Variants in TUSC3 observed in about 807,000 individuals in gnomAD.
The protein encoded by TUSC3 is dolichyl-diphosphooligosaccharide--protein glycosyltransferase subunit TUSC3.
In TUSC3, 45 loss-of-function variants were observed where a neutral mutation model predicts 44.8. That is an observed-to-expected ratio of 1.00 (90% CI 0.79 to 1.29). The LOEUF (loss-of-function observed/expected upper bound fraction) is 1.29, where lower values mean the gene tolerates loss of function less well. Among genes scored for constraint, TUSC3 ranks in the 50% most tolerant of loss-of-function variants. TUSC3 has a pLI of 0.00. For synonymous variants in TUSC3, 212 were observed against 152.9 expected (o/e 1.39, Z -2.85); for missense variants, 519 against 437.9 (o/e 1.19, Z -1.65).
chr8:15,799,077 C>G, the TUSC3 span, among the ~76,000 whole-genome samples: 1,747 of 152,254 alleles, frequency 0.011, 15 homozygotes, highest in Non-Finnish European at 0.019. Context: ...GGCTAATGCT[C>G]CCTTATAGCA....
intron 6 of TUSC3, among the ~76,000 whole-genome samples, chr8:15,685,560 C>G (rs1050078408): frequency 6.6e-6 from 1 of 152,118 alleles, no homozygotes; most frequent in African/African-American, 2.4e-5. Flanking sequence ...GCTCTGTCAA[C>G]AGGGCCTGTG....
At chr8:15,776,629 C>A in the TUSC3 span, among the ~76,000 whole-genome samples, 41 of 152,262 alleles carry the variant, frequency 2.7e-4, no homozygotes, top group African/African-American at 8.7e-4. Context: ...ATCCTCGAAT[C>A]AATTTTTACA....
intron 8 of TUSC3, among the ~76,000 whole-genome samples, chr8:15,744,238 C>T (rs995868603): frequency 1.3e-5 from 2 of 152,064 alleles, no homozygotes; most frequent in Non-Finnish European, 2.9e-5. Context: ...TTGATGGGAC[C>T]ATTTCTCTCA....
At chr8:15,731,971 A>T (rs1362550098) in intron 7 of TUSC3, among the ~76,000 whole-genome samples, 1 of 152,156 alleles carries the variant, frequency 6.6e-6, no homozygotes, top group Non-Finnish European at 1.5e-5. Context: ...AAGCACTTGG[A>T]ATTCTCAAGA....
chr8:15,759,407 T>A (rs1283994804), intron 10 of TUSC3, among the ~76,000 whole-genome samples: 1 of 151,976 alleles, frequency 6.6e-6, no homozygotes, highest in Non-Finnish European at 1.5e-5. Flanking sequence ...TTGGACAGAA[T>A]ACATTTGTTC....
At chr8:15,807,078 T>A in the TUSC3 span, 3 of 1,388,936 alleles carry the variant, frequency 2.2e-6, no homozygotes, top group Non-Finnish European at 3.1e-6. Flanking sequence ...ACAGCAGTAT[T>A]TGGCAACCTG....
chr8:15,521,636 C>T (rs975766235), intron 2 of TUSC3, among the ~76,000 whole-genome samples: 2 of 152,078 alleles, frequency 1.3e-5, no homozygotes, highest in Non-Finnish European at 2.9e-5. Flanking sequence ...AAGGTACGTG[C>T]ATAAACTTTA....
At chr8:15,431,752 G>A (rs1215982624) in intron 1 of TUSC3, among the ~76,000 whole-genome samples, 1 of 141,942 alleles carries the variant, frequency 7.0e-6, no homozygotes, top group African/African-American at 2.5e-5. Context: ...TAATATTACA[G>A]GAAATGATTT....
chr8:15,600,504 A>G lies in TUSC3; in HGVS notation c.139-22576A>G, dbSNP rs552437655. 3.9e-4 allele frequency among the ~76,000 whole-genome samples: 59 copies of G among 151,772 alleles called. 1 individual carries two copies. The highest frequency in any genetic ancestry group is 3.4e-3 in the Middle Eastern group (1 of 294). ...TTCTCTTCCTTGGTACATTTTTATC[A>G]TTATTGTGACCGTTAAATTTGTTAG... On this transcript the variant is annotated intron_variant, in intron 1 of 10. Transcript: ENST00000503731.
chr8:15,667,325 A>T (rs971084926), intron 5 of TUSC3, among the ~76,000 whole-genome samples: 1 of 151,690 alleles, frequency 6.6e-6, no homozygotes, highest in Non-Finnish European at 1.5e-5. Context: ...TAAATGAAAG[A>T]AATAATGATA....
At chr8:15,519,507 GT>G (rs1801265822) in intron 2 of TUSC3, among the ~76,000 whole-genome samples, 1 of 152,122 alleles carries the variant, frequency 6.6e-6, no homozygotes, top group Non-Finnish European at 1.5e-5. Flanking sequence ...CAGGAGGTGA[GT>G]GACAAGCCAG....
intron 2 of TUSC3, among the ~76,000 whole-genome samples, chr8:15,626,938 C>T (rs1477458940): frequency 6.6e-6 from 1 of 150,950 alleles, no homozygotes; most frequent in African/African-American, 2.4e-5. Flanking sequence ...GTGGAAGGGT[C>T]CTGATGAAAC....
At chr8:15,569,405 A>G (rs897927281) in intron 1 of TUSC3, among the ~76,000 whole-genome samples, 1 of 152,290 alleles carries the variant, frequency 6.6e-6, no homozygotes, top group East Asian at 1.9e-4. Flanking sequence ...TGAATTTGAG[A>G]TAAAAAATTA....
chr8:15,659,355 A>C (rs1807317337), intron 3 of TUSC3, 152 bp from the exon 4 acceptor site: 4 of 892,960 alleles, frequency 4.5e-6, no homozygotes, highest in Middle Eastern at 3.5e-4. Context: ...GTAGTGAATT[A>C]AGACAAATAA....
chr8:15,469,337 A>C (rs1415038043), intron 1 of TUSC3, among the ~76,000 whole-genome samples: 1 of 152,218 alleles, frequency 6.6e-6, no homozygotes, highest in Non-Finnish European at 1.5e-5. Flanking sequence ...TCCATTAAAA[A>C]TGGGCCGAAG....
chr8:15,470,366 A>C (rs1800473597), intron 1 of TUSC3, among the ~76,000 whole-genome samples: 1 of 152,144 alleles, frequency 6.6e-6, no homozygotes, highest in Non-Finnish European at 1.5e-5. Context: ...ATGATATAAT[A>C]GTGGATGCCT....
Position 15,659,611 on chromosome 8 carries a change from A to G in TUSC3, c.531A>G (p.Gln177=), listed in dbSNP as rs745705198. 7 of 1,613,338 alleles carry G rather than the reference A, an allele frequency of 4.3e-6. No homozygotes were observed. The highest frequency in any genetic ancestry group is 1.7e-5 in the Admixed American group (1 of 59,978). ...AAAGAATTGGATTTGCAGCTGAGCA[A>G]CTAGCAAAGTGGATTGCTGACAGAA... The part of the protein sequence containing the change: ...DLQRIGFAAE[Q]LAKWIADRTD... The change falls in exon 4 of 11, where the codon CAA becomes CAG. Residue 177 remains glutamine (Q), a synonymous_variant. Transcript: ENST00000503731.
chr8:15,506,943 T>A (rs930036944), intron 2 of TUSC3, among the ~76,000 whole-genome samples: 2 of 152,248 alleles, frequency 1.3e-5, no homozygotes, highest in African/African-American at 2.4e-5. Flanking sequence ...GCTTAGATCA[T>A]GCCCTTTTTG....
the TUSC3 span, among the ~76,000 whole-genome samples, chr8:15,836,825 A>G: frequency 6.6e-6 from 1 of 152,192 alleles, no homozygotes; most frequent in Non-Finnish European, 1.5e-5. Flanking sequence ...AAAAATGGAT[A>G]AACTTGCAGT....
Sources: gnomAD v4.1 joint callset for allele counts (sites outside exome capture counted in the v4.1 genomes callset) on GRCh38, gnomAD v4.1.1 for gene constraint, MANE v1.5 for transcripts, NCBI Gene and HGNC (gene_info 2026-07-23, HGNC 2026-07-21) for gene names.